Variants in SRGAP1 observed in about 807,000 individuals in gnomAD.
SRGAP1 encodes SLIT-ROBO Rho GTPase-activating protein 1.
In SRGAP1, 43 loss-of-function variants were observed where a neutral mutation model predicts 121.9. That is an observed-to-expected ratio of 0.35 (90% CI 0.28 to 0.46). SRGAP1 has a LOEUF of 0.46. Ranked by LOEUF, SRGAP1 falls within the 20% of genes least tolerant of loss-of-function variation. SRGAP1 has a pLI of 1.00. For synonymous variants in SRGAP1, 447 were observed against 485.4 expected (o/e 0.92, Z 1.04); for missense variants, 1,102 against 1,350.9 (o/e 0.82, Z 2.89).
chr12:63,920,006 T>C (rs917930832), intron 1 of SRGAP1, among the ~76,000 whole-genome samples: 1 of 152,244 alleles, frequency 6.6e-6, no homozygotes, highest in African/African-American at 2.4e-5. Flanking sequence ...AGTTTCTCCA[T>C]GGCCTATTGC....
intron 1 of SRGAP1, among the ~76,000 whole-genome samples, chr12:63,942,013 G>C (rs1188141737): frequency 2.0e-5 from 3 of 152,162 alleles, no homozygotes; most frequent in African/African-American, 7.2e-5. Context: ...AAGAGGAAGT[G>C]TGTGCTAGTA....
chr12:64,091,272 T>C lies in SRGAP1; in HGVS notation c.1437-4T>C, dbSNP rs764444510. 1 of 1,580,412 alleles carries C rather than the reference T, an allele frequency of 6.3e-7. No homozygotes were observed. Among genetic ancestry groups the C allele is most frequent in the Admixed American group, 1.7e-5 (1 of 58,492 alleles). ...TGCTCAGTAATTATATTCCCTTCCCTTAGGCCTCCAAATGTTCCCCCTAAG... is the reference window on the plus strand; with the variant it reads ...TGCTCAGTAATTATATTCCCTTCCCCTAGGCCTCCAAATGTTCCCCCTAAG... On this transcript the variant is annotated splice_polypyrimidine_tract_variant and splice_region_variant and intron_variant, in intron 11 of 21. Coordinates refer to ENST00000355086, the MANE Select transcript of SRGAP1 (RefSeq NM_020762.4).
chr12:63,914,635 G>A (rs185752155), intron 1 of SRGAP1, among the ~76,000 whole-genome samples: 1 of 152,232 alleles, frequency 6.6e-6, no homozygotes, highest in East Asian at 1.9e-4. Context: ...CTGTAATTCT[G>A]CTGCACAGGT....
At chr12:63,899,740 G>C (rs1479355130) in intron 1 of SRGAP1, among the ~76,000 whole-genome samples, 1 of 152,124 alleles carries the variant, frequency 6.6e-6, no homozygotes. Context: ...GGAAACCTTG[G>C]GCTAAACTTA....
chr12:64,057,466 A>ACTAAC (rs1174934394), intron 6 of SRGAP1, among the ~76,000 whole-genome samples: 7 of 152,182 alleles, frequency 4.6e-5, no homozygotes, highest in African/African-American at 1.7e-4. Flanking sequence ...TTAGGAAAAT[A>ACTAAC]GAGAAGGTCA....
chr12:63,851,616 C>G (rs1303903240), intron 1 of SRGAP1, among the ~76,000 whole-genome samples: 1 of 146,048 alleles, frequency 6.8e-6, no homozygotes, highest in Admixed American at 7.0e-5. Flanking sequence ...TAGACCGAGT[C>G]TTGCTCTGTC....
chr12:63,993,870 AAAGTG>A (rs1339153602), intron 3 of SRGAP1, among the ~76,000 whole-genome samples: 1 of 152,196 alleles, frequency 6.6e-6, no homozygotes, highest in Non-Finnish European at 1.5e-5. Context: ...AAAAAAAAAA[AAAGTG>A]AAGCATTTTA....
At chr12:64,046,779 C>T (rs938704271) in intron 6 of SRGAP1, among the ~76,000 whole-genome samples, 1 of 152,056 alleles carries the variant, frequency 6.6e-6, no homozygotes, top group Non-Finnish European at 1.5e-5. Flanking sequence ...AGACTGGAAT[C>T]GCATATCAGG....
At chr12:63,850,780 C>A (rs1402591057) in intron 1 of SRGAP1, among the ~76,000 whole-genome samples, 1 of 152,074 alleles carries the variant, frequency 6.6e-6, no homozygotes, top group Admixed American at 6.6e-5. Flanking sequence ...TCAATTCAAA[C>A]AACTAACAAA....
chr12:63,844,776 C>G lies in SRGAP1; in HGVS notation c.-41C>G, dbSNP rs559612805. On this transcript the variant is annotated 5_prime_UTR_variant, in exon 1 of 22. Coordinates refer to ENST00000355086, the MANE Select transcript of SRGAP1 (RefSeq NM_020762.4). This position sits in a 1 kb window ranked among gnomAD's most constrained non-coding sequence, Gnocchi z 4.3. ...AGGAGAACGGGTTGTGACCACTGAACAAAACTTGCCCATTGAAAGCAAACC... is the reference window on the plus strand; with the variant it reads ...AGGAGAACGGGTTGTGACCACTGAAGAAAACTTGCCCATTGAAAGCAAACC... 6 of 1,607,778 alleles carry G rather than the reference C, an allele frequency of 3.7e-6. No homozygotes were observed. In the African/African-American group the frequency reaches 8.0e-5, roughly 21 times the overall value.
At chr12:64,124,151 A>C (rs941680086) in intron 18 of SRGAP1, among the ~76,000 whole-genome samples, 2 of 152,240 alleles carry the variant, frequency 1.3e-5, no homozygotes, top group African/African-American at 4.8e-5. Flanking sequence ...TTTATATAAT[A>C]AGGTGAAGCC....
intron 1 of SRGAP1, among the ~76,000 whole-genome samples, chr12:63,919,147 G>A (rs1312456874): frequency 1.3e-5 from 2 of 152,092 alleles, no homozygotes; most frequent in East Asian, 3.9e-4. Flanking sequence ...CCGCCTCACG[G>A]ATTGGAGTGA....
intron 3 of SRGAP1, among the ~76,000 whole-genome samples, chr12:64,002,365 C>T (rs1184405574): frequency 6.6e-6 from 1 of 152,176 alleles, no homozygotes; most frequent in African/African-American, 2.4e-5. Context: ...GGGGCAACAA[C>T]CTGTTGTTTT....
chr12:63,862,560 G>A (rs1899492153), intron 1 of SRGAP1, among the ~76,000 whole-genome samples: 1 of 152,238 alleles, frequency 6.6e-6, no homozygotes, highest in Middle Eastern at 3.4e-3. Flanking sequence ...ATAGAACAAA[G>A]GTGTCTGCTT....
At chr12:64,033,796 T>G (rs2034836638) in intron 4 of SRGAP1, among the ~76,000 whole-genome samples, 1 of 151,736 alleles carries the variant, frequency 6.6e-6, no homozygotes, top group Admixed American at 6.6e-5. Flanking sequence ...CCAAGGCAGG[T>G]GGATCATGAG....
chr12:64,032,588 C>A (rs1247007636), intron 4 of SRGAP1: 2 of 670,668 alleles, frequency 3.0e-6, no homozygotes, highest in Non-Finnish European at 5.1e-6. Flanking sequence ...CACATAAGTC[C>A]TGCCCCCGAC....
intron 6 of SRGAP1, among the ~76,000 whole-genome samples, chr12:64,051,943 G>C (rs1303450262): frequency 6.6e-6 from 1 of 152,102 alleles, no homozygotes; most frequent in African/African-American, 2.4e-5. Context: ...ACATTATGAT[G>C]AGTTCCATCA....
intron 1 of SRGAP1, among the ~76,000 whole-genome samples, chr12:63,891,983 CAAAA>C (rs10716009): frequency 2.1e-5 from 2 of 96,316 alleles, no homozygotes; most frequent in Non-Finnish European, 4.3e-5. Flanking sequence ...AAGACTGTCT[CAAAA>C]AAAAAAAAAA....
At chr12:63,853,667 G>A (rs191357205) in intron 1 of SRGAP1, among the ~76,000 whole-genome samples, 1 of 152,358 alleles carries the variant, frequency 6.6e-6, no homozygotes, top group Admixed American at 6.5e-5. Flanking sequence ...ACACTGAGTT[G>A]TGTATGTGCA....
Sources: allele counts gnomAD v4.1 joint callset (sites outside exome capture counted in the v4.1 genomes callset), GRCh38; gene constraint gnomAD v4.1.1; non-coding constraint Gnocchi (gnomAD v3.1); transcripts MANE v1.5; gene names NCBI Gene and HGNC (gene_info 2026-07-23, HGNC 2026-07-21).